Variants in SMG1 observed in about 807,000 individuals in gnomAD.
The protein encoded by SMG1 is serine/threonine-protein kinase SMG1.
A neutral mutation model predicts 419.9 loss-of-function variants in SMG1; 22 were observed. The observed-to-expected ratio is 0.05, with a 90% CI of 0.04 to 0.07. The LOEUF is 0.07. Among genes scored for constraint, SMG1 ranks in the 10% least tolerant of loss-of-function variants. SMG1 has a pLI of 1.00. For synonymous variants in SMG1, 1,538 were observed against 1,553.5 expected (o/e 0.99, Z 0.23); for missense variants, 3,185 against 4,342.0 (o/e 0.73, Z 7.49).
At chr16:18,814,016 G>C (rs540028286) in intron 60 of SMG1, among the ~76,000 whole-genome samples, 1 of 92,362 alleles carries the variant, frequency 1.1e-5, no homozygotes, top group African/African-American at 4.1e-5. Flanking sequence ...GGGCGACTGA[G>C]TGAGACTCAT....
chr16:18,920,088 C>T (rs2038136518), intron 1 of SMG1, among the ~76,000 whole-genome samples: 1 of 147,872 alleles, frequency 6.8e-6, no homozygotes, highest in Non-Finnish European at 1.5e-5. Flanking sequence ...AAAACTATGT[C>T]TTAAAAAAAA....
chr16:18,919,653 T>TACAC (rs1171811465), intron 1 of SMG1, among the ~76,000 whole-genome samples: 38 of 77,004 alleles, frequency 4.9e-4, no homozygotes, highest in African/African-American at 2.2e-3. Context: ...TGTGTGTGTA[T>TACAC]ATATACACAC....
intron 28 of SMG1, chr16:18,858,814 T>A (rs1245879148): frequency 8.8e-6 from 4 of 452,312 alleles, no homozygotes; most frequent in Non-Finnish European, 1.5e-5. Flanking sequence ...ACTGAGCAAT[T>A]TGCCATCCTT....
chr16:18,877,294 T>A, intron 11 of SMG1, 62 bp from the exon 12 acceptor site: 1 of 1,209,938 alleles, frequency 8.3e-7, no homozygotes, highest in Non-Finnish European at 1.2e-6. Context: ...TGGAGAAACC[T>A]TAAATGCACA....
intron 1 of SMG1, among the ~76,000 whole-genome samples, chr16:18,905,124 G>C (rs563578670): frequency 5.3e-5 from 8 of 152,036 alleles, no homozygotes; most frequent in Admixed American, 3.3e-4. Context: ...AGCCGGGTAT[G>C]GTGGTGGGCG....
chr16:18,882,981 T>G (rs2036464637), intron 9 of SMG1, among the ~76,000 whole-genome samples: 1 of 152,164 alleles, frequency 6.6e-6, no homozygotes, highest in African/African-American at 2.4e-5. Flanking sequence ...TAAATCAGCT[T>G]TAAACGTGGG....
chr16:18,813,720 G>C (rs913491401), intron 60 of SMG1, among the ~76,000 whole-genome samples: 10 of 152,206 alleles, frequency 6.6e-5, no homozygotes, highest in Middle Eastern at 3.4e-3. Context: ...TGGTGTTTTA[G>C]ACATGGAGTC....
At chr16:18,900,593 A>C (rs1279662414) in intron 1 of SMG1, among the ~76,000 whole-genome samples, 1 of 152,216 alleles carries the variant, frequency 6.6e-6, no homozygotes, top group Non-Finnish European at 1.5e-5. Context: ...CACCATACCT[A>C]GTGGTGTCAC....
At chr16:18,815,381 T>C (rs1253546093) in intron 59 of SMG1, 59 bp downstream of exon 59, 12 of 1,578,184 alleles carry the variant, frequency 7.6e-6, no homozygotes, top group Non-Finnish European at 1.0e-5. Flanking sequence ...GAGATAAACT[T>C]CTTATACCAG....
chr16:18,854,576 T>C, intron 30 of SMG1, 80 bp downstream of exon 30: 1 of 1,347,236 alleles, frequency 7.4e-7, no homozygotes, highest in Non-Finnish European at 1.0e-6. Flanking sequence ...TATTACTACC[T>C]TATACCATAC....
At chr16:18,848,259 T>C (rs1484128117) in intron 36 of SMG1, among the ~76,000 whole-genome samples, 1 of 152,104 alleles carries the variant, frequency 6.6e-6, no homozygotes, top group Non-Finnish European at 1.5e-5. Flanking sequence ...AGGAGAAAGA[T>C]AATGAGTGTT....
In SMG1 at chr16:18,805,731, T is replaced by C. The variant is rs993356392; in HGVS notation, c.*3838A>G. ...CTTCTTTAACCCTTGTATTAGTAAT[T>C]CTACCTCCTTGGCTTATGGGGGGAA... is the stretch of plus-strand genomic sequence containing the variant. On this transcript the variant is annotated 3_prime_UTR_variant, in exon 63 of 63. Coordinates refer to ENST00000446231, the MANE Select transcript of SMG1 (RefSeq NM_015092.5). 7.2e-5 allele frequency: 11 copies of C among 152,226 alleles called. No individual in the cohort carries two copies. Among genetic ancestry groups the C allele is most frequent in the Admixed American group, 6.5e-4 (10 of 15,286 alleles). The allele number at this position is 152,226 out of a possible 1,614,324, so 9.4% of individuals were successfully genotyped here.
rs143103520 is a variant in SMG1 at position 18,858,327 on chromosome 16, A to G, written c.4114-37T>C. 2.1e-3 allele frequency: 3,283 copies of G among 1,565,390 alleles called. 5 individuals carry two copies. The highest frequency in any genetic ancestry group is 2.8e-3 in the South Asian group (234 of 83,096). ...AAACCAAAATTACTCAACATAAAAC[A>G]GGCTGTTGATATGTTTGCAGATATA... is the stretch of plus-strand genomic sequence containing the variant. On this transcript the variant is annotated intron_variant, in intron 28 of 62. Coordinates refer to ENST00000446231, the MANE Select transcript of SMG1 (RefSeq NM_015092.5).
At chr16:18,917,341 T>A (rs932829401) in intron 1 of SMG1, among the ~76,000 whole-genome samples, 2 of 151,626 alleles carry the variant, frequency 1.3e-5, no homozygotes, top group African/African-American at 4.8e-5. Flanking sequence ...TTAGTAGACA[T>A]GGGGTTTCTC....
At chr16:18,844,977 T>C (rs2650618) in intron 39 of SMG1, among the ~76,000 whole-genome samples, 49,319 of 152,208 alleles carry the variant, frequency 0.32, 9,852 homozygotes, top group East Asian at 0.55. Flanking sequence ...ATATGTGGAA[T>C]TGATTCCAGA....
At position 18,843,984 on chromosome 16, in the gene SMG1, C is replaced by G. The variant is rs545682450; in HGVS notation, c.6219+1445G>C. 2.0e-5 allele frequency among the ~76,000 whole-genome samples: 3 copies of G among 150,286 alleles called. No individual in the cohort carries two copies. The East Asian group carries it at 5.8e-4, about 29-fold the overall frequency. The stretch of plus-strand genomic sequence containing the variant: ...AAATTATTCTTTAAATGTACAAAAT[C>G]ATTTTAAAAATTTTCTATGATTATA... On this transcript the variant is annotated intron_variant, in intron 39 of 62. Coordinates refer to ENST00000446231, the MANE Select transcript of SMG1 (RefSeq NM_015092.5).
rs574498641 is a variant in SMG1 at position 18,805,404 on chromosome 16, A to C, written c.*4165T>G. The stretch of plus-strand genomic sequence containing the variant: ...TGACACTTTTACATTAGCACAACAA[A>C]CAGCTTTTTCTAAGTCTAGCCAAGT... On this transcript the variant is annotated 3_prime_UTR_variant, in exon 63 of 63. Transcript: ENST00000446231. The C allele has an allele frequency of 6.6e-4, 101 of 152,302 alleles. No individual in the cohort carries two copies. The highest frequency in any genetic ancestry group is 2.4e-3 in the African/African-American group (99 of 41,578). The allele number at this position is 152,302 out of a possible 1,614,324, so 9.4% of individuals were successfully genotyped here. A position where few individuals can be genotyped will look rare whatever the true frequency, so the allele number is the denominator to read the frequency against.
rs182861548 is a variant in SMG1 at position 18,883,155 on chromosome 16, A to C, written c.1120-817T>G. ...AGATGAAAAAAACAAAATGAGGCTAAAATCTTTATGGGAGCCTTGATTGGT... is the reference window on the plus strand; with the variant it reads ...AGATGAAAAAAACAAAATGAGGCTACAATCTTTATGGGAGCCTTGATTGGT... On this transcript the variant is annotated intron_variant, in intron 9 of 62. Coordinates refer to ENST00000446231, the MANE Select transcript of SMG1 (RefSeq NM_015092.5). Among the ~76,000 whole-genome samples, 5 of 152,332 alleles carry C rather than the reference A, an allele frequency of 3.3e-5. No individual in the cohort carries two copies. The East Asian group carries it at 5.8e-4, about 18-fold the overall frequency.
At position 18,884,238 on chromosome 16, in the gene SMG1, A is replaced by T; in HGVS notation, c.1022-71T>A. 3 of 715,956 alleles carry T rather than the reference A, an allele frequency of 4.2e-6. No individual in the cohort carries two copies. In the South Asian group the frequency reaches 5.6e-5, roughly 13 times the overall value. 44.4% of individuals were successfully genotyped at this position (715,956 alleles called of 1,614,324 possible). ...CACCAAAAAATCCAAATTAAAAAAA[A>T]ATAAGAGGCTTGTTTTAAGAGGTAT... On this transcript the variant is annotated intron_variant, in intron 8 of 62. Transcript: ENST00000446231.
Sources: gnomAD v4.1 joint callset for allele counts (sites outside exome capture counted in the v4.1 genomes callset) on GRCh38, gnomAD v4.1.1 for gene constraint, MANE v1.5 for transcripts, NCBI Gene and HGNC (gene_info 2026-07-23, HGNC 2026-07-21) for gene names.